Variants in DIP2B observed in about 807,000 individuals in gnomAD.
DIP2B encodes the protein disco-interacting protein 2 homolog B.
In DIP2B, 76 loss-of-function variants were observed where a neutral mutation model predicts 198.0. That is an observed-to-expected ratio of 0.38 (90% CI 0.32 to 0.46). DIP2B has a LOEUF of 0.46. Among genes scored for constraint, DIP2B ranks in the 20% least tolerant of loss-of-function variants. The probability of loss-of-function intolerance (pLI) is 0.99; values close to 1 mark genes in which losing one functional copy is unlikely to be tolerated. For missense variants in DIP2B, 1,559 were observed against 1,978.4 expected, an observed-to-expected ratio of 0.79 and a Z score of 4.02; for synonymous variants, 701 against 739.1, an observed-to-expected ratio of 0.95 and a Z score of 0.84.
intron 12 of DIP2B, chr12:50,686,958 A>G (rs1243805123): frequency 3.6e-6 from 1 of 276,330 alleles, no homozygotes; most frequent in Non-Finnish European, 6.7e-6. Flanking sequence ...AGCGTTTAGG[A>G]AATGATGTAC....
chr12:50,583,795 C>T (rs1958745826), intron 1 of DIP2B, among the ~76,000 whole-genome samples: 1 of 152,168 alleles, frequency 6.6e-6, no homozygotes. Context: ...CAACCTGTCT[C>T]TCTAGTCAGT....
intron 1 of DIP2B, among the ~76,000 whole-genome samples, chr12:50,611,039 C>T (rs568896918): frequency 3.1e-4 from 47 of 152,136 alleles, no homozygotes; most frequent in African/African-American, 1.1e-3. Flanking sequence ...ACCTTGTGAC[C>T]CATCTACCTT....
At chr12:50,565,590 GC>G (rs1322027493) in intron 1 of DIP2B, among the ~76,000 whole-genome samples, 1 of 152,102 alleles carries the variant, frequency 6.6e-6, no homozygotes, top group Non-Finnish European at 1.5e-5. Context: ...CATTCTAAGA[GC>G]TCTGGTCTGT....
At chr12:50,684,074 C>T (rs921601819) in intron 10 of DIP2B, among the ~76,000 whole-genome samples, 7 of 151,980 alleles carry the variant, frequency 4.6e-5, no homozygotes, top group Admixed American at 1.3e-4. Flanking sequence ...GATTGCGCCA[C>T]TGCACTCCAG....
At chr12:50,736,028 G>A (rs1446642788) in intron 34 of DIP2B, among the ~76,000 whole-genome samples, 2 of 152,126 alleles carry the variant, frequency 1.3e-5, no homozygotes. Flanking sequence ...AAGACAAGTG[G>A]GAATTTCTCT....
intron 12 of DIP2B, 78 bp from the exon 13 acceptor site, chr12:50,690,971 T>G (rs1939213140): frequency 3.2e-6 from 4 of 1,269,018 alleles, no homozygotes; most frequent in Non-Finnish European, 4.5e-6. Context: ...TTTCTGGGTT[T>G]TGTTTTTGGA....
intron 1 of DIP2B, among the ~76,000 whole-genome samples, chr12:50,601,547 C>T (rs1482859171): frequency 6.6e-6 from 1 of 152,068 alleles, no homozygotes; most frequent in Non-Finnish European, 1.5e-5. Context: ...ACTGTGTTAG[C>T]CAGGATGGTC....
intron 5 of DIP2B, 81 bp from the exon 6 acceptor site, chr12:50,674,393 G>C (rs1014119974): frequency 7.3e-6 from 11 of 1,511,932 alleles, no homozygotes; most frequent in African/African-American, 2.8e-5. Flanking sequence ...TTTCTTCCTT[G>C]TTAAAAAACA....
intron 1 of DIP2B, among the ~76,000 whole-genome samples, chr12:50,579,770 A>T (rs1220350782): frequency 1.4e-5 from 2 of 144,792 alleles, no homozygotes; most frequent in African/African-American, 5.1e-5. Flanking sequence ...GAAACTGTGG[A>T]CCACATTTTT....
At chr12:50,594,555 C>T (rs964621022) in intron 1 of DIP2B, among the ~76,000 whole-genome samples, 1 of 152,190 alleles carries the variant, frequency 6.6e-6, no homozygotes, top group East Asian at 1.9e-4. Flanking sequence ...AAAGTCAATA[C>T]GTATTAGTGT....
intron 3 of DIP2B, among the ~76,000 whole-genome samples, chr12:50,653,778 C>CAA (rs561317668): frequency 1.5e-4 from 23 of 151,192 alleles, no homozygotes; most frequent in Non-Finnish European, 2.5e-4. Context: ...TTGATCTTTT[C>CAA]AAAAAAACAA....
At chr12:50,673,057 A>C (rs1005414048) in intron 5 of DIP2B, among the ~76,000 whole-genome samples, 1 of 152,180 alleles carries the variant, frequency 6.6e-6, no homozygotes, top group African/African-American at 2.4e-5. Context: ...AACTTTGTAC[A>C]TTTGTCTGAT....
At chr12:50,671,541 A>G (rs989853558) in intron 5 of DIP2B, 143 bp downstream of exon 5, 7 of 780,228 alleles carry the variant, frequency 9.0e-6, no homozygotes, top group Admixed American at 8.6e-5. Context: ...AATGAGGAAA[A>G]GATGGAAACA....
chr12:50,541,352 G>A (rs1429750001), intron 1 of DIP2B, among the ~76,000 whole-genome samples: 1 of 149,690 alleles, frequency 6.7e-6, no homozygotes, highest in Non-Finnish European at 1.5e-5. Context: ...GCATTACATA[G>A]GATAAAGGAG....
chr12:50,556,284 G>A (rs909067919), intron 1 of DIP2B, among the ~76,000 whole-genome samples: 8 of 151,940 alleles, frequency 5.3e-5, no homozygotes, highest in Admixed American at 4.6e-4. Flanking sequence ...TCCCGACCTC[G>A]TGATCTGTCC....
chr12:50,632,598 G>A (rs1413298330), intron 2 of DIP2B, among the ~76,000 whole-genome samples: 2 of 150,306 alleles, frequency 1.3e-5, no homozygotes, highest in African/African-American at 4.9e-5. Context: ...GTGCAGTGGC[G>A]TGATCTCGGC....
chr12:50,642,711 C>T (rs1042428249), intron 3 of DIP2B, among the ~76,000 whole-genome samples: 2 of 152,118 alleles, frequency 1.3e-5, no homozygotes, highest in African/African-American at 4.8e-5. Context: ...ATGGCGTGAA[C>T]CTGGGAGGCA....
chr12:50,728,713 G>C, intron 30 of DIP2B, 35 bp downstream of exon 30: 1 of 1,603,536 alleles, frequency 6.2e-7, no homozygotes, highest in African/African-American at 1.3e-5. Context: ...CAGAATGTGT[G>C]GGGGTATACT....
chr12:50,717,568 C>T (rs754646227), intron 23 of DIP2B, among the ~76,000 whole-genome samples: 14 of 151,540 alleles, frequency 9.2e-5, no homozygotes, highest in Non-Finnish European at 7.4e-5. Context: ...AGGGTTTCAC[C>T]GCGTTAGCCG....
Sources: allele counts gnomAD v4.1 joint callset (sites outside exome capture counted in the v4.1 genomes callset), GRCh38; gene constraint gnomAD v4.1.1; transcripts MANE v1.5; gene names NCBI Gene and HGNC (gene_info 2026-07-23, HGNC 2026-07-21).